RIN3: variants seen among roughly 807,000 people sequenced by gnomAD.
The protein encoded by RIN3 is Ras and Rab interactor 3.
In RIN3, 54 loss-of-function variants were observed where a neutral mutation model predicts 76.3. That is an observed-to-expected ratio of 0.71 (90% CI 0.57 to 0.89). The LOEUF (loss-of-function observed/expected upper bound fraction) is 0.89, where lower values mean the gene tolerates loss of function less well. Ranked by LOEUF, RIN3 falls within the 40% of genes least tolerant of loss-of-function variation. The pLI is 0.00. For synonymous variants in RIN3, 576 were observed against 564.0 expected (o/e 1.02, Z -0.30); for missense variants, 1,256 against 1,322.1 (o/e 0.95, Z 0.78).
intron 5 of RIN3, among the ~76,000 whole-genome samples, chr14:92,651,284 C>A (rs1887409291): frequency 6.6e-6 from 1 of 152,110 alleles, no homozygotes; most frequent in Non-Finnish European, 1.5e-5. Context: ...GTCATCAATG[C>A]CCTCCAATGT....
chr14:92,630,822 A>G (rs781458134), intron 4 of RIN3, among the ~76,000 whole-genome samples: 10 of 152,196 alleles, frequency 6.6e-5, no homozygotes, highest in Non-Finnish European at 1.5e-5. Flanking sequence ...GGATAGTCCC[A>G]GGCTGGGAGT....
At chr14:92,611,401 G>A (rs1229180669) in intron 3 of RIN3, among the ~76,000 whole-genome samples, 1 of 152,062 alleles carries the variant, frequency 6.6e-6, no homozygotes, top group Non-Finnish European at 1.5e-5. Context: ...TCAGCCCCCC[G>A]AGGCACCTGC....
chr14:92,553,873 C>G (rs1045829889), intron 1 of RIN3, among the ~76,000 whole-genome samples: 2 of 152,186 alleles, frequency 1.3e-5, no homozygotes, highest in South Asian at 4.1e-4. Context: ...CTCCACCACC[C>G]TGAGAACCCC....
chr14:92,516,659 AGCTGGGAGTGCAAGGG>A (rs1244154218), intron 1 of RIN3, among the ~76,000 whole-genome samples: 2 of 152,146 alleles, frequency 1.3e-5, no homozygotes, highest in East Asian at 3.9e-4. Flanking sequence ...TCTGAGAAGC[AGCTGGGAGTGCAAGGG>A]GCTGGGGGTG....
In RIN3 at chr14:92,688,379, C is replaced by T. The variant is rs1888962551; in HGVS notation, c.*127C>T. 3 of 867,436 alleles carry T rather than the reference C, an allele frequency of 3.5e-6. No homozygotes were observed. Among genetic ancestry groups the T allele is most frequent in the Non-Finnish European group, 5.1e-6 (3 of 584,992 alleles). 53.7% of individuals were successfully genotyped at this position (867,436 alleles called of 1,614,324 possible). On this transcript the variant is annotated 3_prime_UTR_variant, in exon 10 of 10. Transcript: ENST00000216487. ...CCATTCCATGACGTGCCCAGGCCAACGTCGCAGGACAGTTGTGAAAATAAC... is the reference window on the plus strand; with the variant it reads ...CCATTCCATGACGTGCCCAGGCCAATGTCGCAGGACAGTTGTGAAAATAAC...
intron 3 of RIN3, among the ~76,000 whole-genome samples, chr14:92,603,969 G>A (rs1262154583): frequency 6.6e-6 from 1 of 152,226 alleles, no homozygotes; most frequent in Admixed American, 6.5e-5. Flanking sequence ...GCCCTGTGAC[G>A]GTAGCAAACA....
chr14:92,540,429 C>G (rs190979115), intron 1 of RIN3, among the ~76,000 whole-genome samples: 26 of 152,330 alleles, frequency 1.7e-4, no homozygotes, highest in African/African-American at 6.3e-4. Flanking sequence ...CTTCTTGGAG[C>G]CACAAGCATC....
chr14:92,676,440 G>C, intron 7 of RIN3, 35 bp from the exon 8 acceptor site: 5 of 1,609,018 alleles, frequency 3.1e-6, no homozygotes, highest in Non-Finnish European at 4.3e-6. Context: ...GGAGAGCCTG[G>C]AACTCATCTC....
At chr14:92,577,529 GC>G in intron 3 of RIN3, 52 bp downstream of exon 3, 4 of 1,152,322 alleles carry the variant, frequency 3.5e-6, no homozygotes, top group Non-Finnish European at 5.2e-6. Context: ...AGCAGCAGCA[GC>G]AGAGAGGCTG....
At chr14:92,651,546 A>G (rs1208945805) in intron 5 of RIN3, 36 bp from the exon 6 acceptor site, 2 of 1,202,408 alleles carry the variant, frequency 1.7e-6, no homozygotes, top group African/African-American at 1.7e-5. Flanking sequence ...AGTCCCTGGC[A>G]CAGACTGACC....
At chr14:92,582,454 TTTTTTTTC>T (rs112952041) in intron 3 of RIN3, among the ~76,000 whole-genome samples, 4,190 of 141,542 alleles carry the variant, frequency 0.03, 217 homozygotes, top group African/African-American at 0.099. Context: ...TTTTTTTTTT[TTTTTTTTC>T]CCTGAGATGG....
intron 2 of RIN3, among the ~76,000 whole-genome samples, chr14:92,564,290 T>G (rs1036982738): frequency 6.6e-6 from 1 of 152,178 alleles, no homozygotes; most frequent in Non-Finnish European, 1.5e-5. Flanking sequence ...GCATATTCTG[T>G]CCCAGCTGTT....
At chr14:92,584,071 A>C (rs1327193966) in intron 3 of RIN3, among the ~76,000 whole-genome samples, 1 of 152,122 alleles carries the variant, frequency 6.6e-6, no homozygotes, top group Non-Finnish European at 1.5e-5. Context: ...TTTAAAGTAT[A>C]CAGGAGGACG....
At chr14:92,632,470 G>A (rs562832662) in intron 4 of RIN3, among the ~76,000 whole-genome samples, 126 of 152,318 alleles carry the variant, frequency 8.3e-4, no homozygotes, top group Non-Finnish European at 1.5e-3. Flanking sequence ...ATCCTTGGAA[G>A]GGGTTTAGCA....
At chr14:92,566,472 G>T (rs924930271) in intron 2 of RIN3, among the ~76,000 whole-genome samples, 10 of 152,178 alleles carry the variant, frequency 6.6e-5, no homozygotes, top group African/African-American at 2.4e-4. Flanking sequence ...ATGTGATGAA[G>T]GCTAGGAAAG....
At chr14:92,627,965 T>A (rs1290324132) in intron 4 of RIN3, among the ~76,000 whole-genome samples, 2 of 152,220 alleles carry the variant, frequency 1.3e-5, no homozygotes, top group African/African-American at 4.8e-5. Context: ...CCAGGAGTTT[T>A]TATCCCTGAA....
intron 8 of RIN3, among the ~76,000 whole-genome samples, chr14:92,684,385 C>CCA (rs35250955): frequency 2.8e-4 from 32 of 115,858 alleles, no homozygotes; most frequent in African/African-American, 8.7e-4. Context: ...CAGACTTAGA[C>CCA]AAAAAAAAAA....
chr14:92,515,026 G>A (rs1310975502), intron 1 of RIN3: 1 of 479,902 alleles, frequency 2.1e-6, no homozygotes, highest in Non-Finnish European at 3.7e-6. Context: ...GGAGAGTTGG[G>A]CCCATCTTGT....
intron 4 of RIN3, among the ~76,000 whole-genome samples, chr14:92,616,429 C>T (rs563585008): frequency 4.6e-5 from 7 of 151,480 alleles, no homozygotes; most frequent in African/African-American, 1.2e-4. Context: ...AAGTCTTTTA[C>T]TTGGCCTACA....
Sources: gnomAD v4.1 joint callset for allele counts (sites outside exome capture counted in the v4.1 genomes callset) on GRCh38, gnomAD v4.1.1 for gene constraint, MANE v1.5 for transcripts, NCBI Gene and HGNC (gene_info 2026-07-23, HGNC 2026-07-21) for gene names.